HELLS: variants seen among roughly 807,000 people sequenced by gnomAD.
HELLS encodes helicase, lymphoid specific.
In HELLS, 32 loss-of-function variants were observed where a neutral mutation model predicts 120.0. The ratio of observed to expected loss-of-function variants is 0.27; its 90% CI spans 0.20 to 0.36. The LOEUF (loss-of-function observed/expected upper bound fraction) is 0.36, where lower values mean the gene tolerates loss of function less well. Ranked by LOEUF, HELLS falls within the 10% of genes least tolerant of loss-of-function variation. HELLS has a pLI of 1.00. For missense variants in HELLS, 650 were observed against 993.4 expected (o/e 0.65, Z 4.65); for synonymous variants, 341 against 323.4 (o/e 1.05, Z -0.58).
At chr10:94,574,308 A>C in intron 8 of HELLS, 121 bp downstream of exon 8, 2 of 742,238 alleles carry the variant, frequency 2.7e-6, no homozygotes, top group Non-Finnish European at 4.4e-6. Flanking sequence ...TTGTATGTGG[A>C]TACTTGCTTT....
At chr10:94,575,860 C>T (rs1373017152) in intron 9 of HELLS, among the ~76,000 whole-genome samples, 1 of 150,812 alleles carries the variant, frequency 6.6e-6, no homozygotes, top group African/African-American at 2.4e-5. Context: ...TGCAATGGCA[C>T]GATCTCGGCT....
chr10:94,598,345 A>G (rs1845844103), intron 21 of HELLS, among the ~76,000 whole-genome samples: 1 of 152,164 alleles, frequency 6.6e-6, no homozygotes, highest in Admixed American at 6.5e-5. Context: ...CCTGGCTAGA[A>G]TGCAGGAGTG....
chr10:94,562,619 A>C, intron 4 of HELLS, 72 bp from the exon 5 acceptor site: 1 of 1,036,466 alleles, frequency 9.6e-7, no homozygotes, highest in South Asian at 1.5e-5. Flanking sequence ...TCTCAAGTTA[A>C]TCAGTGCCTT....
downstream of HELLS, among the ~76,000 whole-genome samples, chr10:94,606,713 G>T (rs118186268): frequency 2.1e-3 from 315 of 152,232 alleles, no homozygotes; most frequent in Non-Finnish European, 3.1e-3. Flanking sequence ...TTCATTAAAT[G>T]ATTCTTCCCT....
chr10:94,572,715 C>T (rs962194966), intron 7 of HELLS, among the ~76,000 whole-genome samples: 9 of 152,248 alleles, frequency 5.9e-5, no homozygotes, highest in South Asian at 2.1e-4. Flanking sequence ...TGTTGTGTTA[C>T]GTGGCAAATG....
In HELLS at chr10:94,562,365, T is replaced by G. The variant is rs115688324; in HGVS notation, c.334-326T>G. 3.3e-3 allele frequency among the ~76,000 whole-genome samples: 501 copies of G among 152,186 alleles called. 3 individuals carry two copies. Among genetic ancestry groups the G allele is most frequent in the African/African-American group, 0.011 (474 of 41,536 alleles). ...TTGCAATGAGCCGAGATTGTACCAG[T>G]GCACACTATCCTGGGCGACAAGAGT... On this transcript the variant is annotated intron_variant, in intron 4 of 21. Coordinates refer to ENST00000348459, the MANE Select transcript of HELLS (RefSeq NM_018063.5).
chr10:94,545,836 T>G lies in HELLS; in HGVS notation c.-86T>G. ...CTGGCGGGGGATTTGGCTAGAAGGC[T>G]GGGCCGGCAGCGGTTGTGAGGAGTT... On this transcript the variant is annotated 5_prime_UTR_variant, in exon 1 of 22. Transcript: ENST00000348459. 1 of 1,446,898 alleles carries G rather than the reference T, an allele frequency of 6.9e-7. No homozygotes were observed. Among genetic ancestry groups the G allele is most frequent in the Non-Finnish European group, 9.5e-7 (1 of 1,051,288 alleles). 89.6% of individuals were successfully genotyped at this position (1,446,898 alleles called of 1,614,324 possible).
At chr10:94,605,197 C>T (rs1729528936), downstream of HELLS, among the ~76,000 whole-genome samples, 1 of 151,302 alleles carries the variant, frequency 6.6e-6, no homozygotes, top group Non-Finnish European at 1.5e-5. Context: ...ATTCTCCTGC[C>T]TCAGCCTCCT....
chr10:94,568,257 T>C (rs1843941720), intron 6 of HELLS, among the ~76,000 whole-genome samples: 1 of 151,692 alleles, frequency 6.6e-6, no homozygotes, highest in African/African-American at 2.4e-5. Flanking sequence ...CCTTACACAT[T>C]ATGCAGTTGA....
intron 10 of HELLS, among the ~76,000 whole-genome samples, chr10:94,578,915 C>A (rs575833565): frequency 6.6e-6 from 1 of 152,204 alleles, no homozygotes; most frequent in East Asian, 1.9e-4. Context: ...AGGCAGAGCT[C>A]AGGCCATAAT....
At chr10:94,610,907 A>G (rs1846186938) in exon 10 of HELLS, 1 of 152,200 alleles carries the variant, frequency 6.6e-6, no homozygotes, top group African/African-American at 2.4e-5. Context: ...AGATGTTTTA[A>G]TAGTAAGATA....
At chr10:94,558,223 A>G in intron 4 of HELLS, 28 bp downstream of exon 4, 1 of 1,537,312 alleles carries the variant, frequency 6.5e-7, no homozygotes, top group Middle Eastern at 1.9e-4. Context: ...AATATTTTTT[A>G]TGTCATTTAA....
At chr10:94,592,716 A>G (rs111662956) in intron 17 of HELLS, among the ~76,000 whole-genome samples, 344 of 151,820 alleles carry the variant, frequency 2.3e-3, no homozygotes, top group African/African-American at 8.0e-3. Context: ...ATCTTCTGGC[A>G]CAATCTTATT....
intron 9 of HELLS, among the ~76,000 whole-genome samples, chr10:94,609,216 T>G (rs925424040): frequency 2.6e-5 from 4 of 151,848 alleles, no homozygotes; most frequent in Admixed American, 6.6e-5. Flanking sequence ...AGAGATGAGG[T>G]TTCTCCATGT....
chr10:94,590,047 A>G (rs1314190921), intron 13 of HELLS, among the ~76,000 whole-genome samples: 1 of 152,152 alleles, frequency 6.6e-6, no homozygotes, highest in Admixed American at 6.5e-5. Context: ...TTACAAATTT[A>G]CATTATTTGT....
intron 18 of HELLS, among the ~76,000 whole-genome samples, chr10:94,594,241 G>A (rs1017262533): frequency 4.0e-5 from 6 of 151,848 alleles, no homozygotes; most frequent in Non-Finnish European, 8.8e-5. Context: ...ACCCAGGCTT[G>A]AGTGCAGTGG....
In HELLS at chr10:94,546,366, T is replaced by TC; in HGVS notation, c.32-6dup. The stretch of plus-strand genomic sequence containing the variant: ...TTAAAACTGCAATTTGAAAGCTTTC[T>TC]CCCCCGTCAGGCTCGGAGGCTCCAG... On this transcript the variant is annotated splice_polypyrimidine_tract_variant and intron_variant, in intron 1 of 21. Transcript: ENST00000348459. 6.2e-7 allele frequency: 1 copy of TC among 1,613,876 alleles called. No homozygotes were observed.
intron 2 of HELLS, among the ~76,000 whole-genome samples, chr10:94,550,017 T>A (rs1194580202): frequency 6.6e-6 from 1 of 151,950 alleles, no homozygotes; most frequent in African/African-American, 2.4e-5. Context: ...GCCTCCGGGG[T>A]TCAAGCAATT....
intron 10 of HELLS, 79 bp downstream of exon 10, chr10:94,576,884 G>A (rs1453237645): frequency 7.7e-7 from 1 of 1,304,508 alleles, no homozygotes; most frequent in East Asian, 2.3e-5. Flanking sequence ...TCACCATCTG[G>A]GAGCATTTGT....
Sources: gnomAD v4.1 joint callset for allele counts (sites outside exome capture counted in the v4.1 genomes callset) on GRCh38, gnomAD v4.1.1 for gene constraint, MANE v1.5 for transcripts, NCBI Gene and HGNC (gene_info 2026-07-23, HGNC 2026-07-21) for gene names.